Variants in AMPH observed in about 807,000 individuals in gnomAD.
The protein encoded by AMPH is amphiphysin (Stiff-Mann syndrome with breast cancer 128kD autoantigen).
A neutral mutation model predicts 99.1 loss-of-function variants in AMPH; 49 were observed. The observed-to-expected ratio is 0.49, with a 90% confidence interval of 0.39 to 0.63. The LOEUF (loss-of-function observed/expected upper bound fraction) is 0.63. Among genes scored for constraint, AMPH ranks in the 20% least tolerant of loss-of-function variants. The pLI, the probability that AMPH is intolerant of heterozygous loss-of-function variation, is 0.00. For synonymous variants in AMPH, 314 were observed against 317.3 expected (o/e 0.99, Z 0.11); for missense variants, 759 against 863.4 (o/e 0.88, Z 1.52).
intron 1 of AMPH, among the ~76,000 whole-genome samples, chr7:38,573,860 A>C (rs1792135859): frequency 6.6e-6 from 1 of 152,230 alleles, no homozygotes; most frequent in South Asian, 2.1e-4. Context: ...ATAGTAACTA[A>C]TGTAGTAACT....
At chr7:38,507,315 T>C (rs1789363606) in intron 2 of AMPH, among the ~76,000 whole-genome samples, 1 of 152,164 alleles carries the variant, frequency 6.6e-6, no homozygotes, top group South Asian at 2.1e-4. Context: ...GCAGATAAAC[T>C]AAAGGCTGAT....
chr7:38,462,335 G>A (rs1054158381), intron 10 of AMPH, among the ~76,000 whole-genome samples: 1 of 152,146 alleles, frequency 6.6e-6, no homozygotes, highest in Non-Finnish European at 1.5e-5. Context: ...CAACCCCTTT[G>A]TAAGGCAAGC....
chr7:38,525,277 T>TAG (rs66462162), intron 2 of AMPH, among the ~76,000 whole-genome samples: 1,669 of 86,580 alleles, frequency 0.019, 20 homozygotes, highest in South Asian at 0.049. Context: ...TATATATATA[T>TAG]AGAGAGAGAG....
intron 11 of AMPH, among the ~76,000 whole-genome samples, chr7:38,442,731 T>C (rs552869908): frequency 1.2e-3 from 188 of 152,010 alleles, no homozygotes; most frequent in East Asian, 1.5e-3. Flanking sequence ...TAAACTCCCA[T>C]ATAAGAAAAC....
intron 11 of AMPH, among the ~76,000 whole-genome samples, chr7:38,454,006 A>G (rs775419212): frequency 6.6e-6 from 1 of 152,216 alleles, no homozygotes; most frequent in Non-Finnish European, 1.5e-5. Context: ...TTTGGCACTA[A>G]GACAGCTATC....
intron 14 of AMPH, chr7:38,429,395 T>G: frequency 7.7e-7 from 1 of 1,291,544 alleles, no homozygotes; most frequent in Non-Finnish European, 1.0e-6. Context: ...CGGAGGGACA[T>G]GCAGAGTCTT....
rs774961564 is a variant in AMPH at position 38,441,795 on chromosome 7, A to ATATGATATATATCATATATC, written c.1018-5408_1018-5407insGATATATGATATATATCATA. Among the ~76,000 whole-genome samples, 523 of 110,328 alleles carry ATATGATATATATCATATATC rather than the reference A, an allele frequency of 4.7e-3. 53 individuals are homozygous for ATATGATATATATCATATATC. The highest frequency in any genetic ancestry group is 9.2e-3 in the East Asian group (38 of 4,142). The allele number at this position is 110,328 out of a possible 152,430, so 72.4% of individuals were successfully genotyped here. On this transcript the variant is annotated intron_variant, in intron 11 of 20. Coordinates refer to ENST00000356264, the MANE Select transcript of AMPH (RefSeq NM_001635.4). ...GATATATATCATATATCTGTCATAT[A>ATATGATATATATCATATATC]TATCATATATATATCATATATATCA...
chr7:38,522,678 CA>C (rs1387976775), intron 2 of AMPH, among the ~76,000 whole-genome samples: 1 of 152,226 alleles, frequency 6.6e-6, no homozygotes, highest in East Asian at 1.9e-4. Flanking sequence ...TGGACTGGTG[CA>C]GCACAGGAGA....
Position 38,461,336 on chromosome 7 carries a change from T to G in AMPH, c.964A>C (p.Ser322Arg), listed in dbSNP as rs747333756. ...GGAACAAAGTTGTCCTCAAAGAAAC[T>G]GATGATGTTCTCCTGCTGCAGTTCC... ...TKELQQENIISFFEDNFVPEI... is the reference protein window; with the variant it reads ...TKELQQENIIRFFEDNFVPEI... The change falls in exon 11 of 21, where the codon AGT becomes CGT. Residue 322 changes from serine to arginine, a missense_variant. This residue lies in a region of AMPH where 554 missense variants were observed against 575.6 expected (regional missense o/e 0.96). Transcript: ENST00000356264. 7 of 1,614,034 alleles carry G rather than the reference T, an allele frequency of 4.3e-6. No homozygotes were observed. Among genetic ancestry groups the G allele is most frequent in the Non-Finnish European group, 5.9e-6 (7 of 1,180,010 alleles).
intron 1 of AMPH, among the ~76,000 whole-genome samples, chr7:38,537,399 T>C (rs989890710): frequency 6.6e-6 from 1 of 152,182 alleles, no homozygotes; most frequent in Non-Finnish European, 1.5e-5. Flanking sequence ...TCTATTATTA[T>C]TATAGTTATT....
intron 2 of AMPH, among the ~76,000 whole-genome samples, chr7:38,506,925 G>T (rs767293191): frequency 1.3e-5 from 2 of 152,166 alleles, no homozygotes; most frequent in Non-Finnish European, 2.9e-5. Flanking sequence ...GTTAAGCAAG[G>T]CTCACTTCTC....
intron 5 of AMPH, among the ~76,000 whole-genome samples, chr7:38,486,650 G>A (rs373770072): frequency 1.7e-4 from 26 of 151,956 alleles, no homozygotes; most frequent in Non-Finnish European, 2.8e-4. Flanking sequence ...GACCAGTTTC[G>A]TGATTAACAT....
rs765494380 is a variant in AMPH at position 38,437,639 on chromosome 7, A to AAAAAAAGGAAAAG, written c.1018-1252_1018-1251insCTTTTCCTTTTTT. Among the ~76,000 whole-genome samples the AAAAAAAGGAAAAG allele has an allele frequency of 1.2e-4, 12 of 96,728 alleles. No individual in the cohort carries two copies. The East Asian group carries it at 5.1e-3, about 41-fold the overall frequency. 63.5% of individuals were successfully genotyped at this position (96,728 alleles called of 152,430 possible). On this transcript the variant is annotated intron_variant, in intron 11 of 20. Coordinates refer to ENST00000356264, the MANE Select transcript of AMPH (RefSeq NM_001635.4). ...TACTAAAAATACAAAAAAAAAAAAAAAAAAGAAAAGAAAAATTAGTTGGGC... is the reference window on the plus strand; with the variant it reads ...TACTAAAAATACAAAAAAAAAAAAAAAAAAAAGGAAAAGAAAAGAAAAGAAAAATTAGTTGGGC...
chr7:38,507,187 G>A (rs1450993995), intron 2 of AMPH, among the ~76,000 whole-genome samples: 1 of 151,974 alleles, frequency 6.6e-6, no homozygotes. Flanking sequence ...TTGTCGAAGG[G>A]AAACACTGCA....
chr7:38,508,295 G>A (rs1461586250), intron 2 of AMPH, among the ~76,000 whole-genome samples: 2 of 152,130 alleles, frequency 1.3e-5, no homozygotes, highest in Non-Finnish European at 2.9e-5. Context: ...AACAAACCCT[G>A]TGGATTTTAT....
chr7:38,393,192 C>T (rs1239889544), intron 18 of AMPH, among the ~76,000 whole-genome samples: 1 of 152,186 alleles, frequency 6.6e-6, no homozygotes, highest in Non-Finnish European at 1.5e-5. Flanking sequence ...TCTCCCATAA[C>T]ACTGTTATCT....
chr7:38,511,747 A>G (rs1789550281), intron 2 of AMPH, among the ~76,000 whole-genome samples: 1 of 152,236 alleles, frequency 6.6e-6, no homozygotes, highest in African/African-American at 2.4e-5. Flanking sequence ...CTTCAATATA[A>G]AAATACTTTG....
At chr7:38,559,682 C>T (rs1474605279) in intron 1 of AMPH, among the ~76,000 whole-genome samples, 1 of 152,208 alleles carries the variant, frequency 6.6e-6, no homozygotes, top group East Asian at 1.9e-4. Context: ...AGGTACATTA[C>T]TAGTCCCATT....
intron 1 of AMPH, among the ~76,000 whole-genome samples, chr7:38,562,730 A>AT (rs1791599581): frequency 6.6e-6 from 1 of 152,176 alleles, no homozygotes. Context: ...AGAAAAAAAA[A>AT]CCAAAAGCAT....
Sources: allele counts gnomAD v4.1 joint callset (sites outside exome capture counted in the v4.1 genomes callset), GRCh38; gene constraint gnomAD v4.1.1; regional missense constraint gnomAD v4.1.1; transcripts MANE v1.5; gene names NCBI Gene and HGNC (gene_info 2026-07-23, HGNC 2026-07-21).